LINGO2: variants seen among roughly 807,000 people sequenced by gnomAD.
LINGO2 encodes the protein leucine-rich repeat and immunoglobulin-like domain-containing nogo receptor-interacting protein 2.
LINGO2 carries 14 observed loss-of-function variants against 30.6 expected under a neutral mutation model. The observed-to-expected ratio is 0.46, with a 90% CI of 0.30 to 0.72. The LOEUF (loss-of-function observed/expected upper bound fraction) is 0.72, where lower values mean the gene tolerates loss of function less well. Ranked by LOEUF, LINGO2 falls within the 30% of genes least tolerant of loss-of-function variation. LINGO2 has a pLI of 0.07. For missense variants in LINGO2, 729 were observed against 751.7 expected (o/e 0.97, Z 0.35); for synonymous variants, 317 against 288.5 (o/e 1.10, Z -1.00).
At chr9:28,080,490 T>C (rs893002718) in intron 4 of LINGO2, 1 of 152,228 alleles carries the variant, frequency 6.6e-6, no homozygotes, top group Admixed American at 6.5e-5. Context: ...GTTTTCTTCT[T>C]GTCATTTGCA....
chr9:28,875,984 T>C, the LINGO2 span, among the ~76,000 whole-genome samples: 1 of 152,084 alleles, frequency 6.6e-6, no homozygotes, highest in Non-Finnish European at 1.5e-5. Flanking sequence ...ATTTCATGTT[T>C]TATATTTTCC....
At chr9:28,431,029 TGAGAGAGAGAGAGAGAGA>T (rs57751993) in intron 2 of LINGO2, among the ~76,000 whole-genome samples, 5 of 129,356 alleles carry the variant, frequency 3.9e-5, no homozygotes, top group African/African-American at 1.2e-4. Flanking sequence ...GCATGAGTGA[TGAGAGAGAGAGAGAGAGA>T]GAGAGAGAGA....
At chr9:29,070,322 C>T in the LINGO2 span, among the ~76,000 whole-genome samples, 23 of 152,176 alleles carry the variant, frequency 1.5e-4, no homozygotes, top group Non-Finnish European at 2.8e-4. Flanking sequence ...AATATCATGA[C>T]GGAATTGGGT....
At chr9:29,070,487 C>T in the LINGO2 span, among the ~76,000 whole-genome samples, 3 of 152,036 alleles carry the variant, frequency 2.0e-5, no homozygotes, top group African/African-American at 7.2e-5. Flanking sequence ...GAGGAAAGAA[C>T]CTGAAGTGAA....
intron 1 of LINGO2, among the ~76,000 whole-genome samples, chr9:28,632,502 G>A (rs1441247025): frequency 2.0e-5 from 3 of 149,644 alleles, no homozygotes; most frequent in African/African-American, 7.4e-5. Flanking sequence ...TAGAGAGACA[G>A]AACTAATTCT....
At chr9:28,279,188 T>G (rs1293349580) in intron 4 of LINGO2, among the ~76,000 whole-genome samples, 2 of 152,156 alleles carry the variant, frequency 1.3e-5, no homozygotes, top group Non-Finnish European at 2.9e-5. Context: ...AATGGTTTCT[T>G]GAGATAAAAT....
chr9:28,564,423 C>G (rs1823260055), intron 1 of LINGO2, among the ~76,000 whole-genome samples: 1 of 152,052 alleles, frequency 6.6e-6, no homozygotes, highest in Admixed American at 6.6e-5. Flanking sequence ...AGTCACTTCA[C>G]CAGACTTACA....
chr9:28,279,423 T>C (rs1255631226), intron 4 of LINGO2, among the ~76,000 whole-genome samples: 1 of 152,168 alleles, frequency 6.6e-6, no homozygotes, highest in Non-Finnish European at 1.5e-5. Flanking sequence ...ATTGTTTTCT[T>C]ATTTCTAAAA....
At chr9:28,453,029 G>C (rs1256978442) in intron 2 of LINGO2, among the ~76,000 whole-genome samples, 5 of 151,864 alleles carry the variant, frequency 3.3e-5, no homozygotes, top group African/African-American at 1.2e-4. Flanking sequence ...TAAGATCAAT[G>C]ACTCTGATAT....
chr9:28,348,089 T>C (rs529284897), intron 3 of LINGO2, among the ~76,000 whole-genome samples: 458 of 152,266 alleles, frequency 3.0e-3, no homozygotes, highest in African/African-American at 0.011. Context: ...TAAGCAGTGA[T>C]TGTAATCTAA....
the LINGO2 span, among the ~76,000 whole-genome samples, chr9:29,079,082 C>G: frequency 6.6e-6 from 1 of 151,816 alleles, no homozygotes; most frequent in Non-Finnish European, 1.5e-5. Context: ...AACTAATAAA[C>G]CAGTACATGA....
intron 4 of LINGO2, among the ~76,000 whole-genome samples, chr9:28,231,592 T>A (rs966440999): frequency 1.3e-5 from 2 of 152,130 alleles, no homozygotes; most frequent in African/African-American, 4.8e-5. Flanking sequence ...GATATTACAC[T>A]GAGTTTTAAG....
intron 3 of LINGO2, among the ~76,000 whole-genome samples, chr9:28,305,803 C>A (rs1026102744): frequency 6.6e-6 from 1 of 151,844 alleles, no homozygotes; most frequent in African/African-American, 2.4e-5. Context: ...GTTTTCTAAC[C>A]CATGAATGTG....
chr9:27,966,595 A>C (rs1202969235), intron 5 of LINGO2, among the ~76,000 whole-genome samples: 2 of 152,056 alleles, frequency 1.3e-5, no homozygotes, highest in African/African-American at 4.8e-5. Context: ...CGGGAAGGAG[A>C]GCATTAGGAC....
chr9:28,571,519 A>G (rs1005618728), intron 1 of LINGO2, among the ~76,000 whole-genome samples: 3 of 152,058 alleles, frequency 2.0e-5, no homozygotes, highest in African/African-American at 7.2e-5. Context: ...CAATCCTGTA[A>G]AATAGGAATT....
At chr9:28,216,916 C>G (rs1247827352) in intron 4 of LINGO2, among the ~76,000 whole-genome samples, 1 of 151,736 alleles carries the variant, frequency 6.6e-6, no homozygotes, top group Non-Finnish European at 1.5e-5. Context: ...ACTTTATTCT[C>G]TTGCGCACAT....
At chr9:28,970,524 C>T in the LINGO2 span, among the ~76,000 whole-genome samples, 1 of 152,082 alleles carries the variant, frequency 6.6e-6, no homozygotes, top group African/African-American at 2.4e-5. Flanking sequence ...CAACCCCTCC[C>T]CCACCCCCCA....
chr9:28,466,897 T>C (rs1825327933), intron 2 of LINGO2, among the ~76,000 whole-genome samples: 1 of 152,202 alleles, frequency 6.6e-6, no homozygotes, highest in Non-Finnish European at 1.5e-5. Context: ...AGAAATGGTG[T>C]TACAAACTGG....
At chr9:28,454,063 C>T (rs1473936179) in intron 2 of LINGO2, among the ~76,000 whole-genome samples, 1 of 151,916 alleles carries the variant, frequency 6.6e-6, no homozygotes, top group East Asian at 1.9e-4. Flanking sequence ...TAAAATCAGT[C>T]TTGAGTAATG....
Sources: gnomAD v4.1 joint callset for allele counts (sites outside exome capture counted in the v4.1 genomes callset) on GRCh38, gnomAD v4.1.1 for gene constraint, MANE v1.5 for transcripts, NCBI Gene and HGNC (gene_info 2026-07-23, HGNC 2026-07-21) for gene names.